GRM7: variants seen among roughly 807,000 people sequenced by gnomAD.
The protein encoded by GRM7 is metabotropic glutamate receptor 7.
A neutral mutation model predicts 84.5 loss-of-function variants in GRM7; 35 were observed. The ratio of observed to expected loss-of-function variants is 0.41; its 90% CI spans 0.32 to 0.55. GRM7 has a LOEUF of 0.55. Ranked by LOEUF, GRM7 falls within the 20% of genes least tolerant of loss-of-function variation. GRM7 has a pLI of 0.19. For missense variants in GRM7, 1,003 were observed against 1,194.6 expected (o/e 0.84, Z 2.36); for synonymous variants, 487 against 455.1 (o/e 1.07, Z -0.89).
intron 8 of GRM7, among the ~76,000 whole-genome samples, chr3:7,632,923 C>T (rs562004356): frequency 2.3e-4 from 35 of 152,176 alleles, no homozygotes; most frequent in African/African-American, 3.4e-4. Context: ...CTTAATATAA[C>T]GTATAGTGTT....
At chr3:6,951,343 T>C (rs1310711168) in intron 1 of GRM7, among the ~76,000 whole-genome samples, 1 of 152,166 alleles carries the variant, frequency 6.6e-6, no homozygotes, top group Non-Finnish European at 1.5e-5. Context: ...AGTTTTCTCT[T>C]TTTATTCTGA....
chr3:7,157,895 G>T (rs2125075997), intron 2 of GRM7, among the ~76,000 whole-genome samples: 1 of 152,168 alleles, frequency 6.6e-6, no homozygotes, highest in African/African-American at 2.4e-5. Flanking sequence ...TGAAGCCCAG[G>T]AGAGCCAGGA....
At chr3:7,712,174 G>A (rs1575660417) in intron 9 of GRM7, among the ~76,000 whole-genome samples, 2 of 152,258 alleles carry the variant, frequency 1.3e-5, no homozygotes, top group East Asian at 3.9e-4. Flanking sequence ...CTGCCATTTG[G>A]GAGGCTTTGA....
At chr3:7,409,107 A>G (rs949369053) in intron 4 of GRM7, among the ~76,000 whole-genome samples, 9 of 152,196 alleles carry the variant, frequency 5.9e-5, no homozygotes, top group Admixed American at 3.9e-4. Flanking sequence ...CTGTTTTTCA[A>G]TAATAGTGAA....
intron 7 of GRM7, among the ~76,000 whole-genome samples, chr3:7,568,833 T>C (rs1694474393): frequency 6.6e-6 from 1 of 152,016 alleles, no homozygotes; most frequent in Non-Finnish European, 1.5e-5. Flanking sequence ...TGCCTCCCCG[T>C]GGGGAGGGCT....
chr3:7,144,013 T>C (rs1399254641), intron 1 of GRM7, among the ~76,000 whole-genome samples: 1 of 152,146 alleles, frequency 6.6e-6, no homozygotes, highest in African/African-American at 2.4e-5. Flanking sequence ...TCTATAAAGA[T>C]ATTTGTATGG....
At chr3:7,331,859 A>G (rs1276508013) in intron 4 of GRM7, among the ~76,000 whole-genome samples, 1 of 152,146 alleles carries the variant, frequency 6.6e-6, no homozygotes, top group Non-Finnish European at 1.5e-5. Flanking sequence ...TTCAATGTCA[A>G]TTATATTTTT....
chr3:7,167,052 C>T (rs555656763), intron 2 of GRM7, among the ~76,000 whole-genome samples: 183 of 152,220 alleles, frequency 1.2e-3, no homozygotes, highest in Middle Eastern at 3.4e-3. Context: ...ATTTTAATAA[C>T]GTAGACAACA....
chr3:7,240,132 T>G (rs974735297), intron 2 of GRM7, among the ~76,000 whole-genome samples: 9 of 143,684 alleles, frequency 6.3e-5, no homozygotes, highest in Admixed American at 2.8e-4. Context: ...TTTTTTTTTT[T>G]TTTTTTTTTT....
At chr3:7,553,914 A>G (rs1427708852) in intron 7 of GRM7, among the ~76,000 whole-genome samples, 1 of 152,220 alleles carries the variant, frequency 6.6e-6, no homozygotes, top group Non-Finnish European at 1.5e-5. Context: ...AGAAGCTGTG[A>G]TAGCAGGAAG....
rs560398869 is a variant in GRM7, at chr3:7,263,240, T to C, written c.737-35444T>C. Among the ~76,000 whole-genome samples, 16 of 152,292 alleles carry C rather than the reference T, an allele frequency of 1.1e-4. No homozygotes were observed. The South Asian group carries it at 3.3e-3, about 32-fold the overall frequency. On this transcript the variant is annotated intron_variant, in intron 2 of 9. Coordinates refer to ENST00000357716, the MANE Select transcript of GRM7 (RefSeq NM_000844.4). ...ACTGCCTGTTCTTACTCTGGGGGAC[T>C]GGTATTGGGCCCTGGCTTTGTTTTT...
At chr3:7,284,165 C>A (rs1257942674) in intron 2 of GRM7, among the ~76,000 whole-genome samples, 3 of 152,036 alleles carry the variant, frequency 2.0e-5, no homozygotes, top group African/African-American at 7.2e-5. Context: ...ATTTAATTAG[C>A]TAAGTAGAAA....
intron 5 of GRM7, among the ~76,000 whole-genome samples, chr3:7,444,957 A>G (rs1024818692): frequency 1.3e-5 from 2 of 152,288 alleles, no homozygotes; most frequent in East Asian, 1.9e-4. Context: ...TAATGGTTCA[A>G]TTGCAATCAA....
chr3:6,873,423 T>TTC (rs1695197757), intron 1 of GRM7, among the ~76,000 whole-genome samples: 1 of 152,096 alleles, frequency 6.6e-6, no homozygotes. Flanking sequence ...TGGTTAAGAG[T>TTC]ACAGGTGCTG....
At chr3:7,624,899 A>G (rs1263843337) in intron 8 of GRM7, among the ~76,000 whole-genome samples, 1 of 152,186 alleles carries the variant, frequency 6.6e-6, no homozygotes. Flanking sequence ...ACACATATCA[A>G]GCCTTCCTGG....
Position 7,573,773 on chromosome 3 carries a change from T to C in GRM7, c.1516-4649T>C, listed in dbSNP as rs942713153. On this transcript the variant is annotated intron_variant, in intron 7 of 9. Transcript: ENST00000357716. ...AATTCAGTACTTTACCACACCTTTT[T>C]CTGAGCATTCTCAGGAGACAAATAG... 5.5e-4 allele frequency among the ~76,000 whole-genome samples: 83 copies of C among 152,236 alleles called. 2 individuals are homozygous for C. Among genetic ancestry groups the C allele is most frequent in the Admixed American group, 5.2e-3 (80 of 15,282 alleles).
intron 8 of GRM7, among the ~76,000 whole-genome samples, chr3:7,642,043 G>A (rs1285784140): frequency 6.6e-6 from 1 of 151,888 alleles, no homozygotes; most frequent in Non-Finnish European, 1.5e-5. Flanking sequence ...GCATCTAATA[G>A]TCCTTCTAAA....
At chr3:7,122,842 A>G (rs995407070) in intron 1 of GRM7, among the ~76,000 whole-genome samples, 51 of 152,352 alleles carry the variant, frequency 3.3e-4, no homozygotes, top group African/African-American at 1.2e-3. Context: ...TCTAAGAAAA[A>G]GCAAATGGTG....
intron 1 of GRM7, among the ~76,000 whole-genome samples, chr3:6,879,596 T>C (rs1395572711): frequency 6.6e-6 from 1 of 152,168 alleles, no homozygotes; most frequent in Non-Finnish European, 1.5e-5. Flanking sequence ...ATTACCATTT[T>C]TTAAAAGATG....
Sources: allele counts gnomAD v4.1 joint callset (sites outside exome capture counted in the v4.1 genomes callset), GRCh38; gene constraint gnomAD v4.1.1; transcripts MANE v1.5; gene names NCBI Gene and HGNC (gene_info 2026-07-23, HGNC 2026-07-21).